Variants in FMN1 observed in about 807,000 individuals in gnomAD.
FMN1 encodes the protein formin-1.
In FMN1, 110 loss-of-function variants were observed where a neutral mutation model predicts 132.4. The ratio of observed to expected loss-of-function variants is 0.83; its 90% CI spans 0.71 to 0.97. FMN1 has a LOEUF of 0.97. Ranked by LOEUF, FMN1 falls within the 50% of genes least tolerant of loss-of-function variation. The pLI, the probability that FMN1 is intolerant of heterozygous loss-of-function variation, is 0.00. For synonymous variants in FMN1, 722 were observed against 651.7 expected (o/e 1.11, Z -1.64); for missense variants, 1,792 against 1,705.3 (o/e 1.05, Z -0.90).
chr15:32,926,374 T>G (rs542104667), intron 9 of FMN1, 113 bp from the exon 10 acceptor site: 7 of 587,756 alleles, frequency 1.2e-5, no homozygotes, highest in South Asian at 1.1e-4. Context: ...TGAACTAAAT[T>G]GATGCTGCAT....
chr15:33,072,455 C>T (rs376836127), intron 5 of FMN1, among the ~76,000 whole-genome samples: 4 of 150,752 alleles, frequency 2.7e-5, no homozygotes, highest in East Asian at 4.4e-4. Context: ...ATTTGACCTA[C>T]GTGATATTCT....
chr15:32,932,412 T>A (rs1181741199), intron 9 of FMN1, among the ~76,000 whole-genome samples: 1 of 152,150 alleles, frequency 6.6e-6, no homozygotes, highest in Non-Finnish European at 1.5e-5. Context: ...TACTAGTACT[T>A]TGTTGAGAAT....
chr15:33,143,056 G>A (rs2444970), intron 4 of FMN1, among the ~76,000 whole-genome samples: 63,237 of 152,038 alleles, frequency 0.42, 13,560 homozygotes, highest in East Asian at 0.66. Context: ...AAAGCTGTCT[G>A]TTCTGGTAAA....
chr15:32,900,150 A>T (rs754670847), intron 13 of FMN1, 25 bp from the exon 14 acceptor site: 1 of 1,612,648 alleles, frequency 6.2e-7, no homozygotes, highest in East Asian at 2.2e-5. Context: ...ACCAGTTATT[A>T]CGGAGCTGAA....
chr15:32,801,603 A>G (rs1038984192), intron 18 of FMN1, among the ~76,000 whole-genome samples: 4 of 151,432 alleles, frequency 2.6e-5, no homozygotes, highest in South Asian at 2.1e-4. Context: ...CATCTCTACT[A>G]AAAACAAAAA....
chr15:32,903,952 T>C (rs1446005244), intron 12 of FMN1, among the ~76,000 whole-genome samples: 1 of 152,210 alleles, frequency 6.6e-6, no homozygotes, highest in Non-Finnish European at 1.5e-5. Context: ...GAAAAGATCA[T>C]AATTTTACAT....
intron 5 of FMN1, among the ~76,000 whole-genome samples, chr15:33,066,267 C>T (rs2037720948): frequency 6.6e-6 from 1 of 152,196 alleles, no homozygotes; most frequent in Non-Finnish European, 1.5e-5. Context: ...GTGACAGTTA[C>T]CCTTTCCTAC....
chr15:32,855,892 A>G (rs1459544988), intron 17 of FMN1, among the ~76,000 whole-genome samples: 4 of 152,200 alleles, frequency 2.6e-5, no homozygotes, highest in Non-Finnish European at 5.9e-5. Flanking sequence ...CACATAGCAC[A>G]CAAGTATTGG....
chr15:32,992,827 G>A lies in FMN1; in HGVS notation c.2223+15187C>T, dbSNP rs186286855. On this transcript the variant is annotated intron_variant, in intron 7 of 20. Coordinates refer to ENST00000616417, the MANE Select transcript of FMN1 (RefSeq NM_001277313.2). ...CAATCAATAGTGGGTCATAAAAATC[G>A]TTCATTTTTACGGAGTAAAATATCA... Among the ~76,000 whole-genome samples, 634 of 152,162 alleles carry A rather than the reference G, an allele frequency of 4.2e-3. 4 individuals are homozygous for A. Among genetic ancestry groups the A allele is most frequent in the Non-Finnish European group, 6.3e-3 (427 of 67,978 alleles).
chr15:32,858,068 A>T (rs1298243136), intron 16 of FMN1, among the ~76,000 whole-genome samples: 2 of 152,236 alleles, frequency 1.3e-5, no homozygotes, highest in African/African-American at 2.4e-5. Context: ...TAAAGATATC[A>T]TGCCACCTGG....
chr15:32,793,493 C>A (rs534076126), intron 19 of FMN1, among the ~76,000 whole-genome samples: 2 of 152,130 alleles, frequency 1.3e-5, no homozygotes, highest in African/African-American at 4.8e-5. Flanking sequence ...GTTGGCCAGG[C>A]TGATCTTGAA....
At chr15:32,776,688 T>TAC in intron 20 of FMN1, 147 bp downstream of exon 20, 1 of 186,246 alleles carries the variant, frequency 5.4e-6, no homozygotes, top group Non-Finnish European at 1.0e-5. Flanking sequence ...CCACACATAC[T>TAC]TTTTTTTTTT....
chr15:32,961,398 T>A (rs1004209500), intron 9 of FMN1, among the ~76,000 whole-genome samples: 1 of 152,066 alleles, frequency 6.6e-6, no homozygotes, highest in African/African-American at 2.4e-5. Flanking sequence ...CCTCCCAAAG[T>A]GCTAGGATTA....
At chr15:33,191,153 G>C (rs1296854306) in intron 2 of FMN1, among the ~76,000 whole-genome samples, 1 of 146,768 alleles carries the variant, frequency 6.8e-6, no homozygotes, top group Non-Finnish European at 1.5e-5. Context: ...CTGGGCAACA[G>C]AGCGAGACTC....
At chr15:33,062,820 T>TA (rs2141236608) in intron 6 of FMN1, 1 of 152,334 alleles carries the variant, frequency 6.6e-6, no homozygotes, top group Non-Finnish European at 1.5e-5. Context: ...GGGGAACATT[T>TA]AAAACCTTAT....
At chr15:32,784,576 A>G (rs1274138161) in intron 19 of FMN1, among the ~76,000 whole-genome samples, 5 of 152,070 alleles carry the variant, frequency 3.3e-5, no homozygotes, top group Non-Finnish European at 5.9e-5. Flanking sequence ...GACAGCCATA[A>G]CCACAAGATT....
intron 3 of FMN1, among the ~76,000 whole-genome samples, chr15:33,170,529 TACA>T: frequency 6.8e-6 from 1 of 147,404 alleles, no homozygotes; most frequent in African/African-American, 2.5e-5. Context: ...ATACAGAATA[TACA>T]GGGAACTCAA....
intron 4 of FMN1, among the ~76,000 whole-genome samples, chr15:33,123,144 T>C (rs1318351338): frequency 6.8e-6 from 1 of 147,156 alleles, no homozygotes; most frequent in Non-Finnish European, 1.5e-5. Context: ...CTTGTGGATC[T>C]ATTTGCGCAA....
chr15:32,951,597 AT>A (rs1472146853), intron 9 of FMN1, among the ~76,000 whole-genome samples: 2 of 152,150 alleles, frequency 1.3e-5, no homozygotes, highest in African/African-American at 2.4e-5. Context: ...AGGATGTTTC[AT>A]TATTCTTATT....
Sources: allele counts gnomAD v4.1 joint callset (sites outside exome capture counted in the v4.1 genomes callset), GRCh38; gene constraint gnomAD v4.1.1; transcripts MANE v1.5; gene names NCBI Gene and HGNC (gene_info 2026-07-23, HGNC 2026-07-21).